Variants in MEX3C observed in about 807,000 individuals in gnomAD.
The protein encoded by MEX3C is mex-3 RNA binding family member C.
In MEX3C, 15 loss-of-function variants were observed where a neutral mutation model predicts 35.5. The ratio of observed to expected loss-of-function variants is 0.42; its 90% confidence interval spans 0.28 to 0.65. MEX3C has a LOEUF of 0.65. Ranked by LOEUF, MEX3C falls within the 30% of genes least tolerant of loss-of-function variation. The probability of loss-of-function intolerance (pLI) is 0.20; values close to 1 mark genes in which losing one functional copy is unlikely to be tolerated. For synonymous variants in MEX3C, 390 were observed against 352.8 expected (o/e 1.11, Z -1.18); for missense variants, 711 against 842.8 (o/e 0.84, Z 1.94).
At chr18:51,192,800 C>T (rs1370620977) in intron 1 of MEX3C, 3 of 152,174 alleles carry the variant, frequency 2.0e-5, no homozygotes, top group African/African-American at 7.2e-5. Flanking sequence ...ACGGCAGTAA[C>T]CACCTAGCAG....
chr18:51,192,193 AG>A (rs1273293149), intron 1 of MEX3C, among the ~76,000 whole-genome samples: 3 of 152,086 alleles, frequency 2.0e-5, no homozygotes, highest in Non-Finnish European at 4.4e-5. Flanking sequence ...TTGGTAACCA[AG>A]GGGTACAAAA....
intron 1 of MEX3C, chr18:51,196,286 C>G: frequency 1.7e-6 from 1 of 599,090 alleles, no homozygotes. Context: ...GCCACGCCAG[C>G]CTGGTGTTCC....
In MEX3C at chr18:51,196,940, C is replaced by A. The variant is rs1023723876; in HGVS notation, c.381G>T (p.Glu127Asp). The change falls in exon 1 of 2, where the codon GAG (glutamate) becomes GAT (aspartate). Residue 127 changes from glutamate (E) to aspartate (D), a missense_variant. Transcript: ENST00000406189. The part of the protein sequence containing the change: ...EAELDGDLLE[E>D]EELEEAEEED... Reference sequence around the variant, plus strand: ...CCTCCTCTGCTTCCTCCAGCTCCTCCTCCTCCAGCAGGTCTCCGTCCAGCT... The same window carrying A: ...CCTCCTCTGCTTCCTCCAGCTCCTCATCCTCCAGCAGGTCTCCGTCCAGCT... The A allele has an allele frequency of 1.6e-5, 24 of 1,544,372 alleles. No individual in the cohort carries two copies. In the African/African-American group the frequency reaches 2.6e-4, roughly 17 times the overall value.
rs1912313513 is a variant in MEX3C at position 51,176,727 on chromosome 18, C to T, written c.1604G>A (p.Arg535Lys). The stretch of plus-strand genomic sequence containing the variant: ...ACGAGGAGTAGATGGCTGACTTCCT[C>T]TGCGCTGAGTCTTCATGTTACCAGA... ...DPSGNMKTQRRGSQPSTPRLS... is the reference protein window; with the variant it reads ...DPSGNMKTQRKGSQPSTPRLS... The change falls in exon 2 of 2, where the codon AGA becomes AAA. Residue 535 changes from arginine (R) to lysine (K), a missense_variant. Transcript: ENST00000406189. The T allele has an allele frequency of 6.2e-7, 1 of 1,613,908 alleles. No individual in the cohort carries two copies. The highest frequency in any genetic ancestry group is 1.3e-5 in the African/African-American group (1 of 74,926).
At chr18:51,195,128 A>T (rs1912747194) in intron 1 of MEX3C, 2 of 152,234 alleles carry the variant, frequency 1.3e-5, no homozygotes, top group African/African-American at 4.8e-5. Context: ...GCGATTCCTC[A>T]GTGTTCTTAC....
At position 51,175,050 on chromosome 18, in the gene MEX3C, A is replaced by C. The variant is rs1912268635; in HGVS notation, c.*1301T>G. 1 of 152,642 alleles carries C rather than the reference A, an allele frequency of 6.6e-6. No individual in the cohort carries two copies. The highest frequency in any genetic ancestry group is 1.5e-5 in the Non-Finnish European group (1 of 68,036). 9.5% of individuals were successfully genotyped at this position (152,642 alleles called of 1,614,324 possible). On this transcript the variant is annotated 3_prime_UTR_variant, in exon 2 of 2. Coordinates refer to ENST00000406189, the MANE Select transcript of MEX3C (RefSeq NM_016626.5). ...TTATACTGAAAAAATCAAAATAAAA[A>C]CCGTTATTTGTAAACTTTTATACGA...
At chr18:51,180,184 T>G (rs1912393747) in intron 1 of MEX3C, among the ~76,000 whole-genome samples, 1 of 152,306 alleles carries the variant, frequency 6.6e-6, no homozygotes, top group Admixed American at 6.5e-5. Flanking sequence ...TATAAGCAAC[T>G]GTCAGTCACA....
At chr18:51,193,258 C>T (rs978676752) in intron 1 of MEX3C, 2 of 152,000 alleles carry the variant, frequency 1.3e-5, no homozygotes, top group Non-Finnish European at 2.9e-5. Context: ...GACTATGTGG[C>T]TAGAGAACAC....
In MEX3C at chr18:51,177,040, C is replaced by T; in HGVS notation, c.1291G>A (p.Val431Ile). 1.2e-6 allele frequency: 2 copies of T among 1,614,004 alleles called. No individual in the cohort carries two copies. Among genetic ancestry groups the T allele is most frequent in the East Asian group, 2.2e-5 (1 of 44,880 alleles). ...ATCATTCTTGCGCGGCTAGGAGGAA[C>T]AGGATTGGAGGAGAGCCACGCAGAG... Reference protein sequence around the residue: ...LGSAWLSSNPVPPSRARMISN... With the variant: ...LGSAWLSSNPIPPSRARMISN... The change falls in exon 2 of 2, where the codon GTT becomes ATT. Residue 431 changes from valine (V) to isoleucine (I), a missense_variant. This residue lies in a region of MEX3C where 187 missense variants were observed against 201.7 expected (regional missense o/e 0.93). Coordinates refer to ENST00000406189, the MANE Select transcript of MEX3C (RefSeq NM_016626.5). This position sits in a 1 kb window ranked among gnomAD's most constrained non-coding sequence, Gnocchi z 4.2.
At chr18:51,190,416 C>G (rs751653540) in intron 1 of MEX3C, among the ~76,000 whole-genome samples, 2 of 152,188 alleles carry the variant, frequency 1.3e-5, no homozygotes, top group Non-Finnish European at 2.9e-5. Context: ...TGAAGCCATT[C>G]CCTCCCCACT....
At chr18:51,195,304 T>TG (rs1568235809) in intron 1 of MEX3C, 3 of 152,198 alleles carry the variant, frequency 2.0e-5, no homozygotes, top group African/African-American at 7.2e-5. Flanking sequence ...ACCTTTCAAT[T>TG]GAAAGGTCCA....
intron 1 of MEX3C, chr18:51,193,561 T>A (rs929798463): frequency 1.3e-5 from 2 of 152,200 alleles, no homozygotes; most frequent in Non-Finnish European, 2.9e-5. Context: ...TTTATAAAAT[T>A]AGGTCTTAAA....
intron 1 of MEX3C, among the ~76,000 whole-genome samples, chr18:51,183,770 A>G (rs6508050): frequency 1 from 152,290 of 152,292 alleles, 76,144 homozygotes; most frequent in Non-Finnish European, 1. Flanking sequence ...CTTGAAGCCA[A>G]GAGTTAATGA....
At chr18:51,187,656 A>G (rs932002121) in intron 1 of MEX3C, among the ~76,000 whole-genome samples, 1 of 152,016 alleles carries the variant, frequency 6.6e-6, no homozygotes, top group Admixed American at 6.6e-5. Context: ...TGAGGTCAGC[A>G]GAGATCACAC....
intron 1 of MEX3C, among the ~76,000 whole-genome samples, chr18:51,190,259 T>C: frequency 6.6e-6 from 1 of 152,152 alleles, no homozygotes; most frequent in East Asian, 1.9e-4. Context: ...TCCTGCATTA[T>C]ACTAAATGGC....
chr18:51,184,659 C>G (rs753359108), intron 1 of MEX3C, among the ~76,000 whole-genome samples: 5 of 151,988 alleles, frequency 3.3e-5, no homozygotes, highest in African/African-American at 1.2e-4. Flanking sequence ...GAGTTTGAAA[C>G]CAGCCTAGGC....
chr18:51,183,261 TTTTG>T (rs2144551599), intron 1 of MEX3C, among the ~76,000 whole-genome samples: 1 of 152,262 alleles, frequency 6.6e-6, no homozygotes. Context: ...ATTTTTCAAG[TTTTG>T]TTTTTGTTTT....
chr18:51,186,151 G>C (rs1245851119), intron 1 of MEX3C, among the ~76,000 whole-genome samples: 1 of 152,104 alleles, frequency 6.6e-6, no homozygotes, highest in Non-Finnish European at 1.5e-5. Context: ...CCATTCACAT[G>C]TTAAATTCCC....
Position 51,196,789 on chromosome 18 carries a change from C to T in MEX3C, c.532G>A (p.Ala178Thr). The T allele has an allele frequency of 3.3e-6, 5 of 1,520,176 alleles. No individual in the cohort carries two copies. Among genetic ancestry groups the T allele is most frequent in the Non-Finnish European group, 4.4e-6 (5 of 1,139,132 alleles). 94.2% of individuals were successfully genotyped at this position (1,520,176 alleles called of 1,614,324 possible). The change falls in exon 1 of 2, where the codon GCG becomes ACG. Residue 178 changes from alanine (A) to threonine (T), a missense_variant. Physicochemically the swap from Ala to Thr is moderately conservative, Grantham distance 58. Around this residue, in one of 4 missense-constraint regions of MEX3C, gnomAD observed 354 missense variants for 311.6 expected, o/e 1.14. Coordinates refer to ENST00000406189, the MANE Select transcript of MEX3C (RefSeq NM_016626.5). ...ACCCCCGCCGCCGCCGCCGCGGCCG[C>T]CGCCTCCCGGGCATCGAACCTGGCG... ...PAARFDAREAAAAAAAAGVLY... is the reference protein window; with the variant it reads ...PAARFDAREATAAAAAAGVLY...
Sources: allele counts gnomAD v4.1 joint callset (sites outside exome capture counted in the v4.1 genomes callset), GRCh38; gene constraint gnomAD v4.1.1; regional missense constraint gnomAD v4.1.1; non-coding constraint Gnocchi (gnomAD v3.1); transcripts MANE v1.5; gene names NCBI Gene and HGNC (gene_info 2026-07-23, HGNC 2026-07-21).